KDM2B: variants seen among roughly 807,000 people sequenced by gnomAD.
The protein encoded by KDM2B is lysine-specific demethylase 2B.
A neutral mutation model predicts 150.0 loss-of-function variants in KDM2B; 26 were observed. The ratio of observed to expected loss-of-function variants is 0.17; its 90% CI spans 0.13 to 0.24. The LOEUF (loss-of-function observed/expected upper bound fraction) is 0.24. Ranked by LOEUF, KDM2B falls within the 10% of genes least tolerant of loss-of-function variation. The pLI is 1.00. For missense variants in KDM2B, 1,265 were observed against 1,816.9 expected (o/e 0.70, Z 5.52); for synonymous variants, 734 against 729.5 (o/e 1.01, Z -0.10).
chr12:121,551,282 G>A (rs1889467892), intron 4 of KDM2B, among the ~76,000 whole-genome samples: 1 of 152,098 alleles, frequency 6.6e-6, no homozygotes, highest in African/African-American at 2.4e-5. Flanking sequence ...AGCAGAGGTG[G>A]GAGGATGGTG....
intron 22 of KDM2B, among the ~76,000 whole-genome samples, chr12:121,434,696 G>A (rs1873679697): frequency 6.6e-6 from 1 of 152,124 alleles, no homozygotes; most frequent in Non-Finnish European, 1.5e-5. Context: ...GATGGCTCAT[G>A]CCTGTAATCC....
the KDM2B span, among the ~76,000 whole-genome samples, chr12:121,410,815 T>C: frequency 6.6e-6 from 1 of 152,232 alleles, no homozygotes; most frequent in African/African-American, 2.4e-5. Context: ...TCAGGATTGC[T>C]TCTTTACCTT....
the KDM2B span, chr12:121,417,987 T>C: frequency 3.9e-5 from 56 of 1,434,174 alleles, no homozygotes; most frequent in Admixed American, 2.5e-4. This position sits in a 1 kb window ranked among gnomAD's most constrained non-coding sequence, Gnocchi z 5.0. Flanking sequence ...CCTTTAGTGC[T>C]TGATGACTTC....
intron 10 of KDM2B, among the ~76,000 whole-genome samples, chr12:121,510,399 C>T (rs1885479485): frequency 1.3e-5 from 2 of 152,240 alleles, no homozygotes; most frequent in South Asian, 2.1e-4. Context: ...CTGGTGCGCC[C>T]ACCACACTCA....
chr12:121,492,044 G>C (rs1016736471), intron 12 of KDM2B, among the ~76,000 whole-genome samples: 1 of 152,024 alleles, frequency 6.6e-6, no homozygotes, highest in Non-Finnish European at 1.5e-5. Flanking sequence ...TGTGGTCCCA[G>C]CTACTCGGGA....
At chr12:121,522,291 G>A (rs1555306064) in intron 8 of KDM2B, among the ~76,000 whole-genome samples, 6 of 151,952 alleles carry the variant, frequency 3.9e-5, no homozygotes, top group African/African-American at 1.5e-4. Flanking sequence ...CGAGGTGGGC[G>A]GATCACCTGA....
intron 22 of KDM2B, among the ~76,000 whole-genome samples, chr12:121,437,698 G>A (rs1452245609): frequency 1.3e-5 from 2 of 152,070 alleles, no homozygotes; most frequent in Non-Finnish European, 2.9e-5. Flanking sequence ...GATGGAATTC[G>A]GCCAGAACAA....
At position 121,533,048 on chromosome 12, in the gene KDM2B, G is replaced by A; in HGVS notation, c.778-89C>T. On this transcript the variant is annotated intron_variant, in intron 7 of 22. Coordinates refer to ENST00000377071, the MANE Select transcript of KDM2B (RefSeq NM_032590.5). This position sits in a 1 kb window ranked among gnomAD's most constrained non-coding sequence, Gnocchi z 4.1. ...CCCACCTGCCTGGCGGAAGGGGAGG[G>A]GGCGAGACAAGCTGTGTGTGGGGTG... 7.3e-7 allele frequency: 1 copy of A among 1,369,356 alleles called. No homozygotes were observed. The highest frequency in any genetic ancestry group is 1.3e-5 in the South Asian group (1 of 78,858). The allele number at this position is 1,369,356 out of a possible 1,614,324, so 84.8% of individuals were successfully genotyped here.
chr12:121,482,640 CG>C (rs1356657717), intron 12 of KDM2B, among the ~76,000 whole-genome samples: 3 of 152,042 alleles, frequency 2.0e-5, no homozygotes, highest in Admixed American at 2.0e-4. Context: ...TAACATCTGG[CG>C]GGGACTGGGA....
At chr12:121,471,053 G>A (rs1217252772) in intron 12 of KDM2B, among the ~76,000 whole-genome samples, 4 of 152,146 alleles carry the variant, frequency 2.6e-5, no homozygotes, top group African/African-American at 7.2e-5. Context: ...GTTAACTGGT[G>A]CACACAATTA....
the KDM2B span, chr12:121,418,132 A>G: frequency 7.2e-6 from 4 of 552,736 alleles, no homozygotes; most frequent in Non-Finnish European, 1.3e-5. Context: ...GGGTCCCAAA[A>G]TAGCTCATCA....
intron 4 of KDM2B, among the ~76,000 whole-genome samples, chr12:121,574,188 G>A (rs376755480): frequency 2.0e-5 from 3 of 152,034 alleles, no homozygotes; most frequent in Admixed American, 6.6e-5. Flanking sequence ...ACAGCCCCTC[G>A]CCTCGAAAGC....
chr12:121,413,329 A>G, the KDM2B span, among the ~76,000 whole-genome samples: 2 of 151,330 alleles, frequency 1.3e-5, no homozygotes, highest in Admixed American at 1.3e-4. Flanking sequence ...GCCTGGCCAG[A>G]TTTTCATGCT....
At chr12:121,476,116 GAAACCCT>G (rs1566313303) in intron 12 of KDM2B, among the ~76,000 whole-genome samples, 2 of 151,278 alleles carry the variant, frequency 1.3e-5, no homozygotes, top group East Asian at 1.9e-4. Context: ...CCAACATGGT[GAAACCCT>G]GTCTCTACTA....
chr12:121,579,193 G>A (rs1469460524), intron 1 of KDM2B, among the ~76,000 whole-genome samples: 5 of 152,284 alleles, frequency 3.3e-5, no homozygotes, highest in African/African-American at 9.6e-5. Flanking sequence ...AAGCACTGAA[G>A]GGACATCTGG....
rs1282663623 is a variant in KDM2B at position 121,467,567 on chromosome 12, G to C, written c.1735-14223C>G. The C allele has an allele frequency of 1.3e-5, 2 of 150,440 alleles. No homozygotes were observed. Among genetic ancestry groups the C allele is most frequent in the East Asian group, 2.0e-4 (1 of 5,100 alleles). The allele number at this position is 150,440 out of a possible 1,614,324, so 9.3% of individuals were successfully genotyped here. ...CCGCCGAGGGCGGTCCCTCGCGGCC[G>C]GAGCGCGGGGACTGGGGCTGCGTGG... On this transcript the variant is annotated intron_variant, in intron 12 of 22. Coordinates refer to ENST00000377071, the MANE Select transcript of KDM2B (RefSeq NM_032590.5). This position sits in a 1 kb window ranked among gnomAD's most constrained non-coding sequence, Gnocchi z 5.1.
intron 17 of KDM2B, chr12:121,443,252 C>T (rs1441226082): frequency 1.7e-6 from 1 of 598,594 alleles, no homozygotes; most frequent in Non-Finnish European, 3.0e-6. Flanking sequence ...ACTGTTCCCA[C>T]CCAACTGACC....
intron 6 of KDM2B, among the ~76,000 whole-genome samples, chr12:121,539,326 C>CAAAAA (rs60048517): frequency 8.2e-4 from 48 of 58,596 alleles, no homozygotes; most frequent in Admixed American, 1.3e-3. Context: ...GACCCTCTCC[C>CAAAAA]AAAAAAAAAA....
chr12:121,563,555 C>G (rs1336623254), intron 4 of KDM2B, among the ~76,000 whole-genome samples: 3 of 151,618 alleles, frequency 2.0e-5, no homozygotes, highest in African/African-American at 7.3e-5. Flanking sequence ...TACAGTGACC[C>G]AAGATCGCAC....
Sources: allele counts gnomAD v4.1 joint callset (sites outside exome capture counted in the v4.1 genomes callset), GRCh38; gene constraint gnomAD v4.1.1; non-coding constraint Gnocchi (gnomAD v3.1); transcripts MANE v1.5; gene names NCBI Gene and HGNC (gene_info 2026-07-23, HGNC 2026-07-21).